The following FAT3 variants were observed in gnomAD, a reference collection of about 807,000 sequenced individuals.
FAT3 encodes the protein protocadherin Fat 3.
In FAT3, 95 loss-of-function variants were observed where a neutral mutation model predicts 310.2. That is an observed-to-expected ratio of 0.31 (90% CI 0.26 to 0.36). The LOEUF is 0.36. Among genes scored for constraint, FAT3 ranks in the 10% least tolerant of loss-of-function variants. The pLI, the probability that FAT3 is intolerant of heterozygous loss-of-function variation, is 1.00. For synonymous variants in FAT3, 2,314 were observed against 2,192.9 expected (o/e 1.06, Z -1.54); for missense variants, 5,408 against 5,715.6 (o/e 0.95, Z 1.74).
At chr11:92,308,891 T>C (rs1450681658) in intron 1 of FAT3, among the ~76,000 whole-genome samples, 1 of 152,088 alleles carries the variant, frequency 6.6e-6, no homozygotes, top group Non-Finnish European at 1.5e-5. Flanking sequence ...CCAGGCTGTT[T>C]TGTTTTATGG....
intron 2 of FAT3, among the ~76,000 whole-genome samples, chr11:92,421,179 C>A (rs1248252061): frequency 6.6e-6 from 1 of 152,186 alleles, no homozygotes; most frequent in Non-Finnish European, 1.5e-5. Flanking sequence ...TCAAATACCA[C>A]TTTTAATGTT....
chr11:92,586,662 A>G (rs1939171764), intron 3 of FAT3, among the ~76,000 whole-genome samples: 1 of 152,050 alleles, frequency 6.6e-6, no homozygotes, highest in South Asian at 2.1e-4. Context: ...TTTGGAATTC[A>G]GCCAAATACC....
chr11:92,515,216 G>A (rs892625184), intron 2 of FAT3, among the ~76,000 whole-genome samples: 2 of 152,080 alleles, frequency 1.3e-5, no homozygotes, highest in South Asian at 4.1e-4. Context: ...ACCCCTTTCT[G>A]GGGATGAATA....
At chr11:92,360,839 C>T (rs1465730048) in intron 2 of FAT3, among the ~76,000 whole-genome samples, 2 of 152,162 alleles carry the variant, frequency 1.3e-5, no homozygotes, top group African/African-American at 4.8e-5. Context: ...AGGTAGGGAT[C>T]ACTGAGGCTT....
chr11:92,731,155 G>C (rs1343028301), intron 4 of FAT3, among the ~76,000 whole-genome samples: 3 of 152,168 alleles, frequency 2.0e-5, no homozygotes, highest in Non-Finnish European at 2.9e-5. Context: ...TGAATATGTA[G>C]ATGTATGTAA....
At position 92,352,929 on chromosome 11, in the gene FAT3, C is replaced by T. The variant is rs201951535; in HGVS notation, c.817C>T (p.Pro273Ser). 7.4e-6 allele frequency: 12 copies of T among 1,613,770 alleles called. No individual in the cohort carries two copies. Among genetic ancestry groups the T allele is most frequent in the Non-Finnish European group, 1.0e-5 (12 of 1,179,860 alleles). The change falls in exon 2 of 28, where the codon CCT (proline) becomes TCT (serine). Residue 273 changes from proline to serine, a missense_variant. Physicochemically the swap from Pro to Ser is moderately conservative, Grantham distance 74 (BLOSUM62 -1). Around this residue, in one of 5 missense-constraint regions of FAT3, gnomAD observed 4,588 missense variants for 4,809.8 expected, o/e 0.95. Coordinates refer to ENST00000525166, the MANE Select transcript of FAT3 (RefSeq NM_001367949.2). ...APTIHVVTHVPFSLEKEPTYA... is the reference protein window; with the variant it reads ...APTIHVVTHVSFSLEKEPTYA... Reference sequence around the variant, plus strand: ...AACAATCCATGTAGTCACTCATGTTCCTTTCTCGTTGGAAAAAGAGCCAAC... The same window carrying T: ...AACAATCCATGTAGTCACTCATGTTTCTTTCTCGTTGGAAAAAGAGCCAAC...
intron 1 of FAT3, among the ~76,000 whole-genome samples, chr11:92,274,070 A>T (rs573549020): frequency 6.6e-6 from 1 of 152,268 alleles, no homozygotes; most frequent in South Asian, 2.1e-4. Context: ...CCTTATTAAA[A>T]AATTAAGTCC....
At chr11:92,411,349 A>G (rs1331115545) in intron 2 of FAT3, among the ~76,000 whole-genome samples, 1 of 151,736 alleles carries the variant, frequency 6.6e-6, no homozygotes, top group African/African-American at 2.4e-5. Flanking sequence ...GGAATTATGT[A>G]AAATACTATG....
intron 2 of FAT3, among the ~76,000 whole-genome samples, chr11:92,370,349 A>T (rs1376952748): frequency 6.6e-6 from 1 of 152,174 alleles, no homozygotes; most frequent in Non-Finnish European, 1.5e-5. Context: ...TTGAAAGGAA[A>T]TTCTTTACTC....
At chr11:92,437,458 A>C (rs1273596076) in intron 2 of FAT3, among the ~76,000 whole-genome samples, 1 of 152,188 alleles carries the variant, frequency 6.6e-6, no homozygotes, top group Non-Finnish European at 1.5e-5. Flanking sequence ...CCTCATCTGT[A>C]TTAAAGGGGG....
At chr11:92,628,093 G>A (rs1941404074) in intron 3 of FAT3, among the ~76,000 whole-genome samples, 4 of 152,176 alleles carry the variant, frequency 2.6e-5, no homozygotes, top group Admixed American at 2.6e-4. Flanking sequence ...GATACCGGAT[G>A]CCTAAGACAT....
intron 3 of FAT3, among the ~76,000 whole-genome samples, chr11:92,582,592 C>T (rs896693744): frequency 3.9e-5 from 6 of 152,006 alleles, no homozygotes; most frequent in African/African-American, 1.2e-4. Flanking sequence ...GGCTCAGAGG[C>T]ATTGGATAAT....
rs1483805009 is a variant in FAT3, at chr11:92,354,080, T to G, written c.1968T>G (p.Thr656=). Residue 656 remains threonine, a synonymous_variant, in exon 2 of 28, where the codon ACT becomes ACG. Transcript: ENST00000525166. ...NGNFALRITA[T]DGENLADPMS... is the part of the protein sequence containing the mutation. ...ATTTTGCCCTCAGAATTACAGCAACTGATGGAGAGAATCTTGCAGACCCCA... is the reference window on the plus strand; with the variant it reads ...ATTTTGCCCTCAGAATTACAGCAACGGATGGAGAGAATCTTGCAGACCCCA... 6.2e-7 allele frequency: 1 copy of G among 1,613,756 alleles called. No individual in the cohort carries two copies. Among genetic ancestry groups the G allele is most frequent in the Non-Finnish European group, 8.5e-7 (1 of 1,179,810 alleles).
At chr11:92,888,146 C>T (rs1338413533) in intron 25 of FAT3, among the ~76,000 whole-genome samples, 1 of 152,160 alleles carries the variant, frequency 6.6e-6, no homozygotes, top group African/African-American at 2.4e-5. Context: ...CTATTTTCAT[C>T]ACCACTTTCA....
chr11:92,462,778 G>A (rs911118611), intron 2 of FAT3, among the ~76,000 whole-genome samples: 2 of 152,164 alleles, frequency 1.3e-5, no homozygotes, highest in African/African-American at 2.4e-5. Flanking sequence ...CTTTGTTGAT[G>A]TGTTTTAGGA....
chr11:92,739,856 AT>A (rs1240658311), intron 4 of FAT3, among the ~76,000 whole-genome samples: 1 of 152,198 alleles, frequency 6.6e-6, no homozygotes, highest in African/African-American at 2.4e-5. Flanking sequence ...TCCCCACTAA[AT>A]AAAGCTCTTA....
chr11:92,623,886 T>C (rs567745107), intron 3 of FAT3, among the ~76,000 whole-genome samples: 3 of 152,074 alleles, frequency 2.0e-5, no homozygotes, highest in African/African-American at 7.2e-5. Flanking sequence ...GAGCTTGCGG[T>C]GAGCTGAGAT....
chr11:92,673,676 G>A (rs983796633), intron 3 of FAT3, among the ~76,000 whole-genome samples: 4 of 151,998 alleles, frequency 2.6e-5, no homozygotes, highest in African/African-American at 9.7e-5. Context: ...AGTTTTTTAT[G>A]GTGCACTGTT....
chr11:92,311,431 C>CT (rs1947302197), intron 1 of FAT3, among the ~76,000 whole-genome samples: 2 of 152,266 alleles, frequency 1.3e-5, no homozygotes, highest in South Asian at 4.2e-4. Context: ...ATTTATCACT[C>CT]TGTCTCATGA....
Sources: allele counts gnomAD v4.1 joint callset (sites outside exome capture counted in the v4.1 genomes callset), GRCh38; gene constraint gnomAD v4.1.1; regional missense constraint gnomAD v4.1.1; transcripts MANE v1.5; gene names NCBI Gene and HGNC (gene_info 2026-07-23, HGNC 2026-07-21).